GRID1: variants seen among roughly 807,000 people sequenced by gnomAD.
GRID1 encodes glutamate ionotropic receptor delta type subunit 1.
In GRID1, 28 loss-of-function variants were observed where a neutral mutation model predicts 98.0. The observed-to-expected ratio is 0.29, with a 90% CI of 0.21 to 0.39. GRID1 has a LOEUF of 0.39. Among genes scored for constraint, GRID1 ranks in the 10% least tolerant of loss-of-function variants. The probability of loss-of-function intolerance (pLI) is 1.00; values close to 1 mark genes in which losing one functional copy is unlikely to be tolerated. For missense variants in GRID1, 1,111 were observed against 1,340.5 expected (o/e 0.83, Z 2.67); for synonymous variants, 553 against 538.5 (o/e 1.03, Z -0.37).
At position 86,138,648 on chromosome 10, in the gene GRID1, A is replaced by G. The variant is rs896894309; in HGVS notation, c.726+171T>C. Among the ~76,000 whole-genome samples, 3 of 152,216 alleles carry G rather than the reference A, an allele frequency of 2.0e-5. 1 individual carries two copies. Among genetic ancestry groups the G allele is most frequent in the African/African-American group, 7.2e-5 (3 of 41,462 alleles). On this transcript the variant is annotated intron_variant, in intron 4 of 15. Coordinates refer to ENST00000327946, the MANE Select transcript of GRID1 (RefSeq NM_017551.3). ...GTCAGGGAACTATCAGGAGCCAAGT[A>G]GTGCTCAGAGAATCCCCCCTTACAG... is the stretch of plus-strand genomic sequence containing the variant.
chr10:85,792,096 A>G (rs1426913932), intron 8 of GRID1, among the ~76,000 whole-genome samples: 2 of 152,142 alleles, frequency 1.3e-5, no homozygotes, highest in Non-Finnish European at 1.5e-5. Flanking sequence ...CAAGCTGGCC[A>G]AACCACAGAG....
At chr10:86,193,269 C>T (rs1845830403) in intron 3 of GRID1, among the ~76,000 whole-genome samples, 1 of 152,122 alleles carries the variant, frequency 6.6e-6, no homozygotes, top group Non-Finnish European at 1.5e-5. Context: ...TGGCAGATGC[C>T]TACCTTGTTG....
At chr10:86,340,923 C>G (rs753155618) in intron 2 of GRID1, among the ~76,000 whole-genome samples, 5 of 152,122 alleles carry the variant, frequency 3.3e-5, no homozygotes, top group Non-Finnish European at 7.4e-5. Flanking sequence ...AGGCCTCCTC[C>G]TAGTCAAGGA....
Position 85,602,532 on chromosome 10 carries a change from T to A in GRID1, c.2771A>T (p.Gln924Leu), listed in dbSNP as rs746889217. 1 of 1,613,850 alleles carries A rather than the reference T, an allele frequency of 6.2e-7. No homozygotes were observed. Among genetic ancestry groups the A allele is most frequent in the South Asian group, 1.1e-5 (1 of 91,066 alleles). The stretch of plus-strand genomic sequence containing the variant: ...TGGCAGAAAGGTGCTGACCGAGAGC[T>A]GGGTGTTCTGGTACTCCCGTGTCGG... Reference protein sequence around the residue: ...LEPTREYQNTQLSVSTFLPEQ... With the variant: ...LEPTREYQNTLLSVSTFLPEQ... The change falls in exon 16 of 16, where the codon CAG (glutamine) becomes CTG (leucine). Residue 924 changes from glutamine (Q) to leucine (L), a missense_variant. Physicochemically the swap from Gln to Leu is moderately radical, Grantham distance 113. This residue lies in a region of GRID1 where 762 missense variants were observed against 869.1 expected (regional missense o/e 0.88). Coordinates refer to ENST00000327946, the MANE Select transcript of GRID1 (RefSeq NM_017551.3).
intron 8 of GRID1, among the ~76,000 whole-genome samples, chr10:85,733,571 A>G (rs978842382): frequency 1.3e-5 from 2 of 152,222 alleles, no homozygotes; most frequent in African/African-American, 4.8e-5. Context: ...ATATTTTTGT[A>G]TACAAAAAAA....
At chr10:85,698,060 T>C (rs964898169) in intron 12 of GRID1, among the ~76,000 whole-genome samples, 1 of 152,034 alleles carries the variant, frequency 6.6e-6, no homozygotes, top group East Asian at 1.9e-4. Context: ...AGTCAGCAGG[T>C]GACAAAAAAT....
chr10:86,267,211 A>G (rs1416875574), intron 2 of GRID1, among the ~76,000 whole-genome samples: 2 of 152,240 alleles, frequency 1.3e-5, no homozygotes, highest in African/African-American at 2.4e-5. Flanking sequence ...CCCAACTTCA[A>G]TTTGAGGAAA....
chr10:86,244,464 G>A (rs995131403), intron 2 of GRID1, among the ~76,000 whole-genome samples: 2 of 152,248 alleles, frequency 1.3e-5, no homozygotes, highest in East Asian at 1.9e-4. Flanking sequence ...AGATTAAATC[G>A]GGGATAATGT....
chr10:86,326,961 C>A (rs1848059421), intron 2 of GRID1, among the ~76,000 whole-genome samples: 1 of 152,136 alleles, frequency 6.6e-6, no homozygotes, highest in South Asian at 2.1e-4. Flanking sequence ...CATGGTGAAA[C>A]CCTGTGTTTA....
At chr10:86,208,884 A>G (rs950140384) in intron 2 of GRID1, among the ~76,000 whole-genome samples, 2 of 152,244 alleles carry the variant, frequency 1.3e-5, no homozygotes, top group African/African-American at 4.8e-5. Flanking sequence ...ACAGCACTCA[A>G]TCCAAAACCA....
chr10:86,141,665 A>G (rs1845013127), intron 3 of GRID1, among the ~76,000 whole-genome samples: 1 of 152,224 alleles, frequency 6.6e-6, no homozygotes, highest in African/African-American at 2.4e-5. Flanking sequence ...CAATTAATTG[A>G]AGAGAAACAC....
chr10:85,918,265 G>T (rs1841648715), intron 4 of GRID1, among the ~76,000 whole-genome samples: 1 of 152,192 alleles, frequency 6.6e-6, no homozygotes, highest in Non-Finnish European at 1.5e-5. Context: ...GTTTCCAGGA[G>T]CAAAAAGGCA....
chr10:85,760,903 A>G (rs1405822187), intron 8 of GRID1, among the ~76,000 whole-genome samples: 2 of 152,190 alleles, frequency 1.3e-5, no homozygotes, highest in Admixed American at 6.5e-5. Context: ...TCAGATGATA[A>G]CACAGGTCAG....
intron 3 of GRID1, among the ~76,000 whole-genome samples, chr10:86,169,325 G>A (rs12262754): frequency 0.2 from 30,283 of 152,186 alleles, 3,621 homozygotes; most frequent in African/African-American, 0.33. Flanking sequence ...TATGCTAGGA[G>A]AGGTTTAACT....
At chr10:85,789,160 C>T (rs1017772100) in intron 8 of GRID1, among the ~76,000 whole-genome samples, 1 of 152,016 alleles carries the variant, frequency 6.6e-6, no homozygotes, top group Non-Finnish European at 1.5e-5. Context: ...CAGGGTGCCC[C>T]CTCTGCTTGG....
chr10:85,819,812 G>T (rs1310314856), intron 8 of GRID1, among the ~76,000 whole-genome samples: 1 of 151,998 alleles, frequency 6.6e-6, no homozygotes, highest in Non-Finnish European at 1.5e-5. Context: ...TACTCGAGAG[G>T]CTGAGGCAGG....
intron 4 of GRID1, among the ~76,000 whole-genome samples, chr10:86,057,341 C>A (rs2131910383): frequency 6.6e-6 from 1 of 152,324 alleles, no homozygotes; most frequent in South Asian, 2.1e-4. Context: ...TGTGGTACCA[C>A]ATAGTAACCT....
chr10:85,913,166 C>T (rs1286916248), intron 5 of GRID1, among the ~76,000 whole-genome samples: 1 of 152,122 alleles, frequency 6.6e-6, no homozygotes, highest in Non-Finnish European at 1.5e-5. Flanking sequence ...CAAAGGCCAG[C>T]CCAAGAGTAT....
intron 4 of GRID1, among the ~76,000 whole-genome samples, chr10:86,027,585 G>A (rs1225755073): frequency 6.6e-6 from 1 of 152,188 alleles, no homozygotes; most frequent in Non-Finnish European, 1.5e-5. Context: ...GGCTGAGACA[G>A]CTTTAGTTCC....
Sources: allele counts gnomAD v4.1 joint callset (sites outside exome capture counted in the v4.1 genomes callset), GRCh38; gene constraint gnomAD v4.1.1; regional missense constraint gnomAD v4.1.1; transcripts MANE v1.5; gene names NCBI Gene and HGNC (gene_info 2026-07-23, HGNC 2026-07-21).